The following PRKN variants were observed in gnomAD, a reference collection of about 807,000 sequenced individuals.
PRKN encodes E3 ubiquitin-protein ligase parkin.
Under a neutral mutation model 59.5 loss-of-function variants are expected in PRKN, and 56 were observed. The ratio of observed to expected loss-of-function variants is 0.94; its 90% CI spans 0.76 to 1.18. PRKN has a LOEUF of 1.18. Among genes scored for constraint, PRKN ranks in the 50% most tolerant of loss-of-function variants. The probability of loss-of-function intolerance (pLI) is 0.00; values close to 1 mark genes in which losing one functional copy is unlikely to be tolerated. For synonymous variants in PRKN, 250 were observed against 222.1 expected (o/e 1.13, Z -1.12); for missense variants, 657 against 596.4 (o/e 1.10, Z -1.06).
chr6:162,561,441 G>T (rs1343590079), intron 1 of PRKN, among the ~76,000 whole-genome samples: 1 of 152,018 alleles, frequency 6.6e-6, no homozygotes, highest in Non-Finnish European at 1.5e-5. Context: ...ACCCCGCAAG[G>T]ACACCAAGTT....
intron 2 of PRKN, among the ~76,000 whole-genome samples, chr6:162,341,455 C>CA (rs1337022648): frequency 6.6e-6 from 1 of 152,134 alleles, no homozygotes; most frequent in African/African-American, 2.4e-5. Flanking sequence ...GACACATGCA[C>CA]ATGTATGTTT....
chr6:161,899,025 T>A (rs906773511), intron 6 of PRKN, among the ~76,000 whole-genome samples: 5 of 152,228 alleles, frequency 3.3e-5, no homozygotes, highest in African/African-American at 1.2e-4. Flanking sequence ...GCCCAAAGCA[T>A]CGCTTACTTG....
chr6:162,088,185 T>C (rs1174379221), intron 4 of PRKN, among the ~76,000 whole-genome samples: 1 of 152,102 alleles, frequency 6.6e-6, no homozygotes. Context: ...TGGACTAAAT[T>C]GATTCTGAAC....
At chr6:162,565,978 GAT>G (rs905275050) in intron 1 of PRKN, among the ~76,000 whole-genome samples, 24 of 152,012 alleles carry the variant, frequency 1.6e-4, no homozygotes, top group Non-Finnish European at 2.9e-4. Flanking sequence ...ACTATAAGAA[GAT>G]ATAAAAAGGT....
At chr6:161,667,166 T>C (rs11753929) in intron 7 of PRKN, among the ~76,000 whole-genome samples, 2,500 of 152,216 alleles carry the variant, frequency 0.016, 24 homozygotes, top group Middle Eastern at 0.037. Context: ...ATCCACCATA[T>C]AGAAAACTCA....
intron 2 of PRKN, among the ~76,000 whole-genome samples, chr6:162,398,124 G>A (rs552762527): frequency 2.0e-5 from 3 of 150,348 alleles, no homozygotes; most frequent in Non-Finnish European, 4.4e-5. Flanking sequence ...TACTATAAAA[G>A]TTCTATTTAA....
In PRKN at chr6:161,548,648, T is replaced by A; in HGVS notation, c.1083+206A>T. 1.7e-6 allele frequency: 1 copy of A among 577,658 alleles called. No individual in the cohort carries two copies. Among genetic ancestry groups the A allele is most frequent in the Non-Finnish European group, 3.0e-6 (1 of 328,386 alleles). The allele number at this position is 577,658 out of a possible 1,614,324, so 35.8% of individuals were successfully genotyped here. On this transcript the variant is annotated intron_variant, in intron 9 of 11. Transcript: ENST00000366898. The surrounding 1 kb of genome is among the most constrained non-coding windows in gnomAD (Gnocchi z 4.2). ...AAGCAACCAAAGCAGAAAATCTTCA[T>A]ATAACTGTTTTCACCAAAATAAATA...
chr6:162,067,142 T>C (rs1057053136), intron 4 of PRKN, among the ~76,000 whole-genome samples: 7 of 152,146 alleles, frequency 4.6e-5, no homozygotes, highest in Admixed American at 4.6e-4. Context: ...AGAGCAACAA[T>C]ATAGAAAGAG....
chr6:161,720,130 T>A (rs1787160181), intron 7 of PRKN, among the ~76,000 whole-genome samples: 1 of 152,288 alleles, frequency 6.6e-6, no homozygotes, highest in Admixed American at 6.5e-5. Flanking sequence ...AAGGCTAAAG[T>A]ATAAGAATAA....
chr6:161,352,771 A>ATATATT lies in PRKN; in HGVS notation c.1286-2561_1286-2560insAATATA, dbSNP rs34279714. ...TGTGTGTGTGTATATATATATATAT[A>ATATATT]TTTTATTTTATTTTATTTTATTTTT... is the stretch of plus-strand genomic sequence containing the variant. On this transcript the variant is annotated intron_variant, in intron 11 of 11. Transcript: ENST00000366898. The surrounding 1 kb of genome is among the most constrained non-coding windows in gnomAD (Gnocchi z 5.8). Among the ~76,000 whole-genome samples, 13 of 116,892 alleles carry ATATATT rather than the reference A, an allele frequency of 1.1e-4. No individual in the cohort carries two copies. Among genetic ancestry groups the ATATATT allele is most frequent in the African/African-American group, 3.5e-4 (12 of 34,476 alleles). The allele number at this position is 116,892 out of a possible 152,430, so 76.7% of individuals were successfully genotyped here.
intron 1 of PRKN, among the ~76,000 whole-genome samples, chr6:162,590,061 A>C (rs759396076): frequency 6.7e-6 from 1 of 150,266 alleles, no homozygotes; most frequent in Non-Finnish European, 1.5e-5. Flanking sequence ...TATAATTTTC[A>C]CGTAAGATGT....
chr6:161,857,549 C>G (rs1051754587), intron 6 of PRKN, among the ~76,000 whole-genome samples: 1 of 152,136 alleles, frequency 6.6e-6, no homozygotes, highest in African/African-American at 2.4e-5. Context: ...CATTTTCAAT[C>G]TAGCAAATCT....
chr6:162,390,879 A>G lies in PRKN; in HGVS notation c.171+52431T>C, dbSNP rs143794280. On this transcript the variant is annotated intron_variant, in intron 2 of 11. Transcript: ENST00000366898. ...ATAAATATAAATCTATAAAAACAGA[A>G]GTTAAATAAGAAGAAATCTTCTGGG... Among the ~76,000 whole-genome samples the G allele has an allele frequency of 4.6e-5, 7 of 152,352 alleles. No individual in the cohort carries two copies. In the East Asian group the frequency reaches 1.3e-3, roughly 29 times the overall value.
intron 4 of PRKN, among the ~76,000 whole-genome samples, chr6:162,185,873 C>T (rs118134519): frequency 0.01 from 1,576 of 152,114 alleles, 14 homozygotes; most frequent in Non-Finnish European, 0.015. Flanking sequence ...AGGGACTCTA[C>T]GGAGCAAGTA....
At chr6:161,521,215 G>C (rs1196271705) in intron 9 of PRKN, among the ~76,000 whole-genome samples, 1 of 85,158 alleles carries the variant, frequency 1.2e-5, no homozygotes, top group Non-Finnish European at 2.7e-5. Flanking sequence ...TGAAGAATAA[G>C]AGAGTGACAA....
intron 1 of PRKN, among the ~76,000 whole-genome samples, chr6:162,538,102 A>G (rs1350366691): frequency 6.6e-6 from 1 of 152,228 alleles, no homozygotes; most frequent in Non-Finnish European, 1.5e-5. Context: ...CAAAGTTGGA[A>G]ATACCCAAAT....
chr6:162,689,204 G>C (rs770802732), intron 1 of PRKN, among the ~76,000 whole-genome samples: 11 of 152,082 alleles, frequency 7.2e-5, no homozygotes, highest in Non-Finnish European at 1.2e-4. Flanking sequence ...ATAATTCATC[G>C]GTCTTTCTTA....
At chr6:162,205,696 G>A (rs1784906649) in intron 3 of PRKN, among the ~76,000 whole-genome samples, 1 of 152,132 alleles carries the variant, frequency 6.6e-6, no homozygotes, top group African/African-American at 2.4e-5. Flanking sequence ...TCTCTGCAAT[G>A]ATGAAAATGT....
chr6:162,179,274 A>G (rs917838574), intron 4 of PRKN, among the ~76,000 whole-genome samples: 1 of 152,150 alleles, frequency 6.6e-6, no homozygotes, highest in African/African-American at 2.4e-5. Context: ...TGCTGGCCGA[A>G]TTTCTTAGGA....
Sources: allele counts gnomAD v4.1 joint callset (sites outside exome capture counted in the v4.1 genomes callset), GRCh38; gene constraint gnomAD v4.1.1; non-coding constraint Gnocchi (gnomAD v3.1); transcripts MANE v1.5; gene names NCBI Gene and HGNC (gene_info 2026-07-23, HGNC 2026-07-21).